Variants in DPP10 observed in about 807,000 individuals in gnomAD.
DPP10 encodes the protein dipeptidyl peptidase like 10.
A neutral mutation model predicts 120.9 loss-of-function variants in DPP10; 33 were observed. The observed-to-expected ratio is 0.27, with a 90% CI of 0.21 to 0.37. The LOEUF (loss-of-function observed/expected upper bound fraction) is 0.37, where lower values mean the gene tolerates loss of function less well. Ranked by LOEUF, DPP10 falls within the 10% of genes least tolerant of loss-of-function variation. The pLI, the probability that DPP10 is intolerant of heterozygous loss-of-function variation, is 1.00. For synonymous variants in DPP10, 337 were observed against 326.1 expected, an observed-to-expected ratio of 1.03 and a Z score of -0.36; for missense variants, 816 against 942.8, an observed-to-expected ratio of 0.87 and a Z score of 1.76.
At chr2:114,459,456 A>G (rs1029735059) in intron 1 of DPP10, among the ~76,000 whole-genome samples, 5 of 152,222 alleles carry the variant, frequency 3.3e-5, no homozygotes, top group African/African-American at 1.2e-4. Context: ...AGGTCTACTT[A>G]CAGAGACTGG....
At chr2:115,520,662 C>CTT (rs1285245628) in intron 4 of DPP10, among the ~76,000 whole-genome samples, 1 of 152,164 alleles carries the variant, frequency 6.6e-6, no homozygotes, top group Non-Finnish European at 1.5e-5. Flanking sequence ...TTTATACCAA[C>CTT]TTGTATTAAT....
chr2:114,852,815 T>G (rs1689068461), intron 1 of DPP10, among the ~76,000 whole-genome samples: 1 of 152,234 alleles, frequency 6.6e-6, no homozygotes, highest in African/African-American at 2.4e-5. Flanking sequence ...ACATATTTAT[T>G]TAATTTATTG....
chr2:115,768,415 G>C lies in DPP10; in HGVS notation c.1221+11G>C. 1 of 1,608,076 alleles carries C rather than the reference G, an allele frequency of 6.2e-7. No individual in the cohort carries two copies. The highest frequency in any genetic ancestry group is 8.5e-7 in the Non-Finnish European group (1 of 1,175,642). ...ATGTTCCTCATCCAGGTAAGTGCTG[G>C]CTTTTTTCCATGTTTTGATTTCATT... On this transcript the variant is annotated intron_variant, in intron 13 of 25. Transcript: ENST00000410059.
At chr2:114,992,158 C>G (rs1487288550) in intron 1 of DPP10, among the ~76,000 whole-genome samples, 1 of 152,186 alleles carries the variant, frequency 6.6e-6, no homozygotes, top group Non-Finnish European at 1.5e-5. Flanking sequence ...TTATTTTACT[C>G]ATAGGTTGAA....
intron 7 of DPP10, among the ~76,000 whole-genome samples, chr2:115,699,036 C>CAAAAAAAAAAAAAAAAAAAAAA (rs1191197397): frequency 9.8e-5 from 5 of 50,804 alleles, no homozygotes; most frequent in African/African-American, 2.1e-4. Context: ...AAAAAAAAAA[C>CAAAAAAAAAAAAAAAAAAAAAA]AAAAAAAAAA....
At chr2:115,396,380 C>A (rs1451073095) in intron 3 of DPP10, among the ~76,000 whole-genome samples, 1 of 152,154 alleles carries the variant, frequency 6.6e-6, no homozygotes, top group Non-Finnish European at 1.5e-5. Context: ...GTGTTGCTCT[C>A]CACAAATTAT....
At chr2:115,805,464 G>T (rs571863108) in intron 19 of DPP10, among the ~76,000 whole-genome samples, 1 of 152,130 alleles carries the variant, frequency 6.6e-6, no homozygotes, top group East Asian at 1.9e-4. Context: ...GCACTCCCCA[G>T]TGAGATGAAC....
At chr2:114,824,965 A>G (rs1686404025) in intron 1 of DPP10, among the ~76,000 whole-genome samples, 1 of 152,198 alleles carries the variant, frequency 6.6e-6, no homozygotes, top group African/African-American at 2.4e-5. Context: ...CAAACAGGAG[A>G]GTAGGCTTTG....
At chr2:114,776,629 G>T (rs557503735) in intron 1 of DPP10, among the ~76,000 whole-genome samples, 12 of 152,004 alleles carry the variant, frequency 7.9e-5, no homozygotes, top group Non-Finnish European at 1.3e-4. Context: ...TAAATTTTTG[G>T]CAGCTTGAAG....
At chr2:115,574,395 A>G (rs2081529322) in intron 5 of DPP10, among the ~76,000 whole-genome samples, 2 of 152,216 alleles carry the variant, frequency 1.3e-5, no homozygotes. Flanking sequence ...ATCATCTTGT[A>G]GTAAGTTCTC....
chr2:115,471,122 A>C (rs138214684), intron 3 of DPP10, among the ~76,000 whole-genome samples: 10 of 152,284 alleles, frequency 6.6e-5, no homozygotes, highest in African/African-American at 2.2e-4. Context: ...AAAATCCATA[A>C]TTTATTTTCA....
At chr2:114,469,935 T>C (rs949300165) in intron 1 of DPP10, among the ~76,000 whole-genome samples, 2 of 152,132 alleles carry the variant, frequency 1.3e-5, no homozygotes, top group Non-Finnish European at 2.9e-5. Context: ...ACAGGGGTTA[T>C]TATGGATACA....
At chr2:115,600,607 A>G (rs973525400) in intron 5 of DPP10, among the ~76,000 whole-genome samples, 2 of 152,216 alleles carry the variant, frequency 1.3e-5, no homozygotes, top group African/African-American at 2.4e-5. Context: ...AGCGTAGCTC[A>G]TTCACATTTA....
chr2:115,312,356 T>C (rs1039758241), intron 2 of DPP10, among the ~76,000 whole-genome samples: 1 of 152,104 alleles, frequency 6.6e-6, no homozygotes, highest in African/African-American at 2.4e-5. Flanking sequence ...AAAATGGCAG[T>C]GTAGTCGCAT....
chr2:115,071,106 T>C lies in DPP10; in HGVS notation c.61-238133T>C, dbSNP rs142742828. On this transcript the variant is annotated intron_variant, in intron 1 of 25. Transcript: ENST00000410059. ...GTTTATGCAACTGACTGCTTGCCAATTAAACACTTATCTTAGGAATTCATA... is the reference window on the plus strand; with the variant it reads ...GTTTATGCAACTGACTGCTTGCCAACTAAACACTTATCTTAGGAATTCATA... Among the ~76,000 whole-genome samples the C allele has an allele frequency of 3.4e-3, 523 of 152,322 alleles. 6 individuals carry two copies. The highest frequency in any genetic ancestry group is 0.012 in the African/African-American group (497 of 41,580).
intron 1 of DPP10, among the ~76,000 whole-genome samples, chr2:114,682,940 A>C (rs1027571629): frequency 6.6e-6 from 1 of 151,952 alleles, no homozygotes; most frequent in African/African-American, 2.4e-5. Context: ...TGGTGAAATC[A>C]TGTGCACTCT....
chr2:115,528,477 GA>G (rs1261920608), intron 5 of DPP10, among the ~76,000 whole-genome samples: 4 of 148,290 alleles, frequency 2.7e-5, no homozygotes, highest in African/African-American at 1.0e-4. Flanking sequence ...ACTACCATCC[GA>G]CCCAGCAATT....
rs565027463 is a variant in DPP10 at position 115,178,714 on chromosome 2, G to A, written c.61-130525G>A. 3.3e-5 allele frequency among the ~76,000 whole-genome samples: 5 copies of A among 152,230 alleles called. No individual in the cohort carries two copies. In the South Asian group the frequency reaches 1.0e-3, roughly 32 times the overall value. ...AAACTGGAATAAAAGTATTTGATAT[G>A]TTGGCATCCACTTCAATGCTATATC... On this transcript the variant is annotated intron_variant, in intron 1 of 25. Transcript: ENST00000410059.
At chr2:115,145,408 C>G (rs1202829150) in intron 1 of DPP10, among the ~76,000 whole-genome samples, 3 of 152,136 alleles carry the variant, frequency 2.0e-5, no homozygotes, top group African/African-American at 4.8e-5. Flanking sequence ...AAGTATGTAG[C>G]CTTTTCAGAC....
Sources: allele counts gnomAD v4.1 joint callset (sites outside exome capture counted in the v4.1 genomes callset), GRCh38; gene constraint gnomAD v4.1.1; transcripts MANE v1.5; gene names NCBI Gene and HGNC (gene_info 2026-07-23, HGNC 2026-07-21).